LRRC7: variants seen among roughly 807,000 people sequenced by gnomAD.
LRRC7 encodes leucine-rich repeat-containing protein 7.
In LRRC7, 23 loss-of-function variants were observed where a neutral mutation model predicts 175.7. The ratio of observed to expected loss-of-function variants is 0.13; its 90% CI spans 0.09 to 0.19. LRRC7 has a LOEUF of 0.19. Among genes scored for constraint, LRRC7 ranks in the 10% least tolerant of loss-of-function variants. The pLI is 1.00. For missense variants in LRRC7, 1,354 were observed against 1,904.7 expected (o/e 0.71, Z 5.38); for synonymous variants, 685 against 680.9 (o/e 1.01, Z -0.09).
At position 70,013,057 on chromosome 1, in the gene LRRC7, G is replaced by T; in HGVS notation, c.1218G>T (p.Gln406His). ...EFLPEEIGQM[Q>H]KLRVLNLSDN... ...TTCCTGAAGAGATTGGACAGATGCA[G>T]AAACTAAGAGTCCTAAATTTGAGTG... The change falls in exon 13 of 27, where the codon CAG becomes CAT. Residue 406 changes from glutamine (Q) to histidine (H), a missense_variant. This residue lies in a region of LRRC7 where 201 missense variants were observed against 481.4 expected (regional missense o/e 0.42). Transcript: ENST00000651989. The T allele has an allele frequency of 6.3e-7, 1 of 1,584,308 alleles. No homozygotes were observed. The highest frequency in any genetic ancestry group is 8.6e-7 in the Non-Finnish European group (1 of 1,163,544).
Position 70,113,305 on chromosome 1 carries a change from G to GA in LRRC7, c.4620+5487dup, listed in dbSNP as rs200880336. On this transcript the variant is annotated intron_variant, in intron 26 of 26. Transcript: ENST00000651989. ...ACTTATTCAACAGCCTCAGCTATAA[G>GA]AAAAAAAACATAAGCTAGAAAACAA... 5.0e-3 allele frequency among the ~76,000 whole-genome samples: 757 copies of GA among 151,920 alleles called. 4 individuals carry two copies. The highest frequency in any genetic ancestry group is 0.017 in the African/African-American group (709 of 41,458).
chr1:69,799,534 A>G (rs1676213653), intron 4 of LRRC7, among the ~76,000 whole-genome samples: 2 of 152,146 alleles, frequency 1.3e-5, no homozygotes, highest in Admixed American at 6.6e-5. Flanking sequence ...AGCAAAAGAC[A>G]TGATTGCATT....
intron 4 of LRRC7, among the ~76,000 whole-genome samples, chr1:69,800,162 G>C (rs1676298668): frequency 6.6e-6 from 1 of 151,788 alleles, no homozygotes; most frequent in African/African-American, 2.4e-5. Flanking sequence ...TATAATTTGG[G>C]GGTCAGGTAA....
chr1:70,036,392 C>T (rs1277681780), intron 19 of LRRC7, 52 bp from the exon 20 acceptor site: 3 of 1,527,506 alleles, frequency 2.0e-6, no homozygotes, highest in African/African-American at 1.4e-5. Context: ...CTTGCTTTTC[C>T]GTGTAATTGT....
intron 2 of LRRC7, among the ~76,000 whole-genome samples, chr1:69,723,585 A>G (rs966348231): frequency 6.6e-6 from 1 of 152,220 alleles, no homozygotes; most frequent in African/African-American, 2.4e-5. Flanking sequence ...TTCATTTCAT[A>G]TGATATTAGA....
At chr1:69,766,241 G>T in intron 3 of LRRC7, among the ~76,000 whole-genome samples, 1 of 152,062 alleles carries the variant, frequency 6.6e-6, no homozygotes, top group East Asian at 1.9e-4. Flanking sequence ...ATCTCTCCAT[G>T]GATGAGAGGA....
intron 1 of LRRC7, among the ~76,000 whole-genome samples, chr1:69,585,576 C>T (rs1263511156): frequency 6.6e-6 from 1 of 152,112 alleles, no homozygotes; most frequent in Non-Finnish European, 1.5e-5. Flanking sequence ...AATATATTTA[C>T]AAATTGTGTC....
At chr1:69,600,805 T>C (rs1647031993) in intron 1 of LRRC7, among the ~76,000 whole-genome samples, 1 of 130,124 alleles carries the variant, frequency 7.7e-6, no homozygotes, top group Non-Finnish European at 1.6e-5. Flanking sequence ...GGTTTCTTTT[T>C]TTTTTTTTTT....
intron 7 of LRRC7, among the ~76,000 whole-genome samples, chr1:69,840,475 G>A (rs562905892): frequency 5.6e-4 from 85 of 152,100 alleles, no homozygotes; most frequent in African/African-American, 2.0e-3. Context: ...CAAACAAGAT[G>A]TTGCATTGTT....
intron 25 of LRRC7, among the ~76,000 whole-genome samples, chr1:70,101,672 CT>C (rs1244461635): frequency 1.3e-5 from 2 of 152,166 alleles, no homozygotes; most frequent in African/African-American, 4.8e-5. Flanking sequence ...TCCAAAATTA[CT>C]GTGAAAAGCA....
intron 26 of LRRC7, among the ~76,000 whole-genome samples, chr1:70,109,813 G>T (rs937331190): frequency 4.6e-5 from 7 of 152,046 alleles, no homozygotes; most frequent in Admixed American, 1.3e-4. Flanking sequence ...CATTAGCAAA[G>T]GAAATGGCTA....
rs1224985410 is a variant in LRRC7, at chr1:70,135,980, CA to C, written c.*14096del. Among the ~76,000 whole-genome samples, 2 of 152,054 alleles carry C rather than the reference CA, an allele frequency of 1.3e-5. No homozygotes were observed. The highest frequency in any genetic ancestry group is 1.3e-4 in the Admixed American group (2 of 15,262). ...TTTATAAAACCATGAATGTTGCTAG[CA>C]AACAGTTCAGGCATTTCTTTGTGGC... On this transcript the variant is annotated 3_prime_UTR_variant, in exon 27 of 27. Transcript: ENST00000651989.
Position 69,794,680 on chromosome 1 carries a change from A to G in LRRC7, c.421+2520A>G, listed in dbSNP as rs149870115. Among the ~76,000 whole-genome samples, 450 of 152,314 alleles carry G rather than the reference A, an allele frequency of 3.0e-3. 4 individuals are homozygous for G. The Middle Eastern group carries it at 0.071, about 24-fold the overall frequency. On this transcript the variant is annotated intron_variant, in intron 4 of 26. Coordinates refer to ENST00000651989, the MANE Select transcript of LRRC7 (RefSeq NM_001370785.2). Reference sequence around the variant, plus strand: ...GGATATTCCAAGTAAAGAAAAATCTACCTTATTTTTAAAGAAGATCTGAAA... The same window carrying G: ...GGATATTCCAAGTAAAGAAAAATCTGCCTTATTTTTAAAGAAGATCTGAAA...
intron 2 of LRRC7, among the ~76,000 whole-genome samples, chr1:69,711,680 T>A (rs1276226822): frequency 1.3e-5 from 2 of 152,210 alleles, no homozygotes; most frequent in African/African-American, 4.8e-5. Flanking sequence ...CTATTTACCG[T>A]GTCGTCATGG....
chr1:69,813,445 G>A (rs1041201162), intron 4 of LRRC7, among the ~76,000 whole-genome samples: 12 of 151,826 alleles, frequency 7.9e-5, no homozygotes, highest in Non-Finnish European at 1.2e-4. Context: ...TCTGTTCTGG[G>A]GACAATTTCA....
chr1:69,917,107 C>A (rs1426981360), intron 7 of LRRC7, among the ~76,000 whole-genome samples: 4 of 151,930 alleles, frequency 2.6e-5, no homozygotes, highest in Non-Finnish European at 4.4e-5. Flanking sequence ...TATTTAATAC[C>A]ACCATTTTTA....
chr1:70,066,155 T>C (rs1661957895), intron 23 of LRRC7, among the ~76,000 whole-genome samples: 1 of 151,958 alleles, frequency 6.6e-6, no homozygotes, highest in African/African-American at 2.4e-5. Context: ...GATAGGAACT[T>C]TTGTTCTCAT....
At chr1:70,003,514 T>C (rs1029634325) in intron 11 of LRRC7, among the ~76,000 whole-genome samples, 6 of 152,160 alleles carry the variant, frequency 3.9e-5, no homozygotes, top group African/African-American at 1.2e-4. Flanking sequence ...AAACAAATAA[T>C]GCATTTGCCA....
At chr1:69,896,227 A>G (rs1570550782) in intron 7 of LRRC7, among the ~76,000 whole-genome samples, 1 of 152,132 alleles carries the variant, frequency 6.6e-6, no homozygotes, top group East Asian at 1.9e-4. Flanking sequence ...ATATATTCAT[A>G]TAATTTGTAA....
Sources: allele counts gnomAD v4.1 joint callset (sites outside exome capture counted in the v4.1 genomes callset), GRCh38; gene constraint gnomAD v4.1.1; regional missense constraint gnomAD v4.1.1; transcripts MANE v1.5; gene names NCBI Gene and HGNC (gene_info 2026-07-23, HGNC 2026-07-21).